Variants in PTPRT observed in about 807,000 individuals in gnomAD.
PTPRT encodes protein tyrosine phosphatase receptor type T, also known as receptor-type tyrosine-protein phosphatase T.
A neutral mutation model predicts 176.8 loss-of-function variants in PTPRT; 56 were observed. The observed-to-expected ratio is 0.32, with a 90% CI of 0.26 to 0.40. The LOEUF (loss-of-function observed/expected upper bound fraction) is 0.40, where lower values mean the gene tolerates loss of function less well. Ranked by LOEUF, PTPRT falls within the 10% of genes least tolerant of loss-of-function variation. PTPRT has a pLI of 1.00. For synonymous variants in PTPRT, 783 were observed against 739.0 expected, an observed-to-expected ratio of 1.06 and a Z score of -0.96; for missense variants, 1,540 against 1,908.2, an observed-to-expected ratio of 0.81 and a Z score of 3.60.
chr20:42,178,584 G>A (rs977342025), intron 16 of PTPRT, among the ~76,000 whole-genome samples: 6 of 152,116 alleles, frequency 3.9e-5, no homozygotes, highest in African/African-American at 1.4e-4. Context: ...AACCACAGCA[G>A]CTTAAAATAA....
chr20:42,401,968 TC>T (rs2058912843), intron 9 of PTPRT, among the ~76,000 whole-genome samples: 2 of 152,200 alleles, frequency 1.3e-5, no homozygotes, highest in Non-Finnish European at 2.9e-5. Flanking sequence ...CTGGTGGACA[TC>T]TGTCCTGTCC....
intron 1 of PTPRT, among the ~76,000 whole-genome samples, chr20:43,170,222 A>G (rs2014963483): frequency 6.6e-6 from 1 of 152,018 alleles, no homozygotes; most frequent in African/African-American, 2.4e-5. Flanking sequence ...CTATTTAAGC[A>G]TGATCATCAT....
At position 42,712,922 on chromosome 20, in the gene PTPRT, C is replaced by T. The variant is rs563179460; in HGVS notation, c.860-34763G>A. The stretch of plus-strand genomic sequence containing the variant: ...CCAAGTAAATAAATGATGGTGCGTG[C>T]ATACAATGGAATATCCCAGAGCTAT... On this transcript the variant is annotated intron_variant, in intron 6 of 30. Transcript: ENST00000373187. Among the ~76,000 whole-genome samples, 17 of 152,170 alleles carry T rather than the reference C, an allele frequency of 1.1e-4. No individual in the cohort carries two copies. In the East Asian group the frequency reaches 2.9e-3, roughly 26 times the overall value.
intron 1 of PTPRT, among the ~76,000 whole-genome samples, chr20:42,926,526 C>T (rs1317805581): frequency 6.6e-6 from 1 of 152,202 alleles, no homozygotes; most frequent in Non-Finnish European, 1.5e-5. Flanking sequence ...AGATATTCCT[C>T]CACCAGAAGT....
At chr20:42,346,647 C>T (rs2058199619) in intron 11 of PTPRT, among the ~76,000 whole-genome samples, 1 of 152,148 alleles carries the variant, frequency 6.6e-6, no homozygotes, top group Non-Finnish European at 1.5e-5. Context: ...TCACATCTCG[C>T]CCCCCTGCAC....
chr20:42,095,064 C>T (rs1985059349), intron 27 of PTPRT, among the ~76,000 whole-genome samples: 1 of 152,106 alleles, frequency 6.6e-6, no homozygotes, highest in South Asian at 2.1e-4. Flanking sequence ...TAGTCAATCT[C>T]TCTGGATGTG....
chr20:42,328,276 C>A (rs749680335), intron 11 of PTPRT, among the ~76,000 whole-genome samples: 13 of 152,058 alleles, frequency 8.5e-5, no homozygotes, highest in Non-Finnish European at 8.8e-5. Flanking sequence ...ATTAAGCATT[C>A]CATAAAGAGA....
intron 9 of PTPRT, among the ~76,000 whole-genome samples, chr20:42,384,571 G>T (rs970456093): frequency 2.0e-5 from 3 of 152,146 alleles, no homozygotes; most frequent in Admixed American, 6.6e-5. Flanking sequence ...ATGAATATGG[G>T]AATGCAGATA....
At chr20:42,201,950 CGT>C (rs11468258) in intron 15 of PTPRT, among the ~76,000 whole-genome samples, 2,687 of 143,070 alleles carry the variant, frequency 0.019, 28 homozygotes, top group Middle Eastern at 0.021. Context: ...AGAAAAGTTG[CGT>C]GTGTGTGTGT....
intron 7 of PTPRT, among the ~76,000 whole-genome samples, chr20:42,656,808 G>A (rs1419831645): frequency 6.6e-6 from 1 of 152,104 alleles, no homozygotes; most frequent in African/African-American, 2.4e-5. Flanking sequence ...AGTATATTAA[G>A]ACTGTAATCA....
chr20:43,128,693 G>C (rs2013538348), intron 1 of PTPRT, among the ~76,000 whole-genome samples: 2 of 152,194 alleles, frequency 1.3e-5, no homozygotes, highest in East Asian at 3.9e-4. Context: ...TGGGCTTTAG[G>C]ACTACAGAGG....
intron 7 of PTPRT, among the ~76,000 whole-genome samples, chr20:42,506,344 C>T (rs1406384590): frequency 6.6e-6 from 1 of 152,192 alleles, no homozygotes; most frequent in Non-Finnish European, 1.5e-5. Flanking sequence ...TTCTCATCCA[C>T]ACACTTCAAT....
chr20:42,642,442 G>A (rs556855612), intron 7 of PTPRT, among the ~76,000 whole-genome samples: 100 of 152,260 alleles, frequency 6.6e-4, no homozygotes, highest in Middle Eastern at 3.4e-3. Context: ...CCTACATTTG[G>A]AGTAAGATAG....
intron 7 of PTPRT, among the ~76,000 whole-genome samples, chr20:42,619,257 T>G (rs2074141680): frequency 7.1e-6 from 1 of 141,246 alleles, no homozygotes; most frequent in Non-Finnish European, 1.5e-5. Context: ...TTAAGAATGT[T>G]GAATATTGGC....
intron 2 of PTPRT, among the ~76,000 whole-genome samples, chr20:42,852,631 G>A (rs2078495264): frequency 6.6e-6 from 1 of 151,980 alleles, no homozygotes; most frequent in Admixed American, 6.6e-5. Flanking sequence ...TCAGTTTGAG[G>A]ATTTTTCTCC....
intron 1 of PTPRT, among the ~76,000 whole-genome samples, chr20:42,996,121 G>T (rs1984208379): frequency 6.6e-6 from 1 of 152,186 alleles, no homozygotes; most frequent in South Asian, 2.1e-4. Flanking sequence ...CAACCTGATT[G>T]CCAGGTGAAA....
chr20:42,691,929 TTA>T (rs1479480781), intron 6 of PTPRT, among the ~76,000 whole-genome samples: 1 of 152,162 alleles, frequency 6.6e-6, no homozygotes, highest in East Asian at 1.9e-4. Context: ...AATATATTGT[TTA>T]TGACATTGCA....
intron 7 of PTPRT, among the ~76,000 whole-genome samples, chr20:42,546,286 G>A (rs535076221): frequency 1.3e-5 from 2 of 152,254 alleles, no homozygotes; most frequent in Non-Finnish European, 2.9e-5. Flanking sequence ...ATAATGTACA[G>A]AAATTGAAGG....
chr20:42,844,986 G>A (rs998293729), intron 2 of PTPRT, among the ~76,000 whole-genome samples: 2 of 152,198 alleles, frequency 1.3e-5, no homozygotes, highest in Non-Finnish European at 2.9e-5. Flanking sequence ...CCCTCTGGGA[G>A]TGGCTAGTGC....
Sources: gnomAD v4.1 joint callset for allele counts (sites outside exome capture counted in the v4.1 genomes callset) on GRCh38, gnomAD v4.1.1 for gene constraint, MANE v1.5 for transcripts, NCBI Gene and HGNC (gene_info 2026-07-23, HGNC 2026-07-21) for gene names.